Variants in HCN1 observed in about 807,000 individuals in gnomAD.
HCN1 encodes hyperpolarization activated cyclic nucleotide gated potassium channel 1, also known as potassium/sodium hyperpolarization-activated cyclic nucleotide-gated channel 1.
Under a neutral mutation model 78.9 loss-of-function variants are expected in HCN1, and 13 were observed. The observed-to-expected ratio is 0.16, with a 90% CI of 0.11 to 0.26. The LOEUF is 0.26. HCN1 is among the 10% of genes least tolerant of loss of function. HCN1 has a pLI of 1.00. For missense variants in HCN1, 810 were observed against 1,154.3 expected (o/e 0.70, Z 4.32); for synonymous variants, 552 against 455.5 (o/e 1.21, Z -2.70).
In HCN1 at chr5:45,606,283, GGT is replaced by G. The variant is rs1404421600; in HGVS notation, c.849+38900_849+38901del. Among the ~76,000 whole-genome samples the G allele has an allele frequency of 9.2e-5, 14 of 151,796 alleles. 1 individual carries two copies. The highest frequency in any genetic ancestry group is 3.4e-4 in the African/African-American group (14 of 41,366). On this transcript the variant is annotated intron_variant, in intron 2 of 7. Coordinates refer to ENST00000303230, the MANE Select transcript of HCN1 (RefSeq NM_021072.4). ...GTGAGTGTATACAGAAACTCCACCT[GGT>G]ACAGAACAGATTGTGTGTGGGGTAG...
At chr5:45,407,194 A>G (rs185426480) in intron 3 of HCN1, among the ~76,000 whole-genome samples, 1 of 152,268 alleles carries the variant, frequency 6.6e-6, no homozygotes, top group African/African-American at 2.4e-5. Flanking sequence ...CAGTGGTTCT[A>G]TAAGAAGATG....
At chr5:45,493,648 G>A (rs1741947450) in intron 2 of HCN1, among the ~76,000 whole-genome samples, 1 of 150,526 alleles carries the variant, frequency 6.6e-6, no homozygotes, top group Non-Finnish European at 1.5e-5. Context: ...TGTGCACAAT[G>A]TGCAGGTTAG....
intron 2 of HCN1, among the ~76,000 whole-genome samples, chr5:45,504,580 A>G (rs921002072): frequency 1.4e-4 from 21 of 152,292 alleles, no homozygotes; most frequent in Admixed American, 6.5e-5. Flanking sequence ...GTGTCTTTAT[A>G]GCAGCATGAT....
At chr5:45,474,157 C>A (rs1275093830) in intron 2 of HCN1, among the ~76,000 whole-genome samples, 1 of 151,854 alleles carries the variant, frequency 6.6e-6, no homozygotes, top group Non-Finnish European at 1.5e-5. Flanking sequence ...TCAAGGCACT[C>A]CATAACCTTG....
intron 2 of HCN1, among the ~76,000 whole-genome samples, chr5:45,635,910 A>G (rs1295423474): frequency 2.0e-5 from 3 of 152,322 alleles, no homozygotes; most frequent in Non-Finnish European, 4.4e-5. Context: ...TTTGAAATAA[A>G]GCAGGCATAA....
intron 1 of HCN1, among the ~76,000 whole-genome samples, chr5:45,690,210 C>G (rs1268319064): frequency 6.6e-6 from 1 of 151,850 alleles, no homozygotes; most frequent in Admixed American, 6.6e-5. Flanking sequence ...AGCTAGTGAC[C>G]TGAAAATAAA....
intron 3 of HCN1, among the ~76,000 whole-genome samples, chr5:45,402,123 A>T (rs1739825853): frequency 6.6e-6 from 1 of 152,118 alleles, no homozygotes; most frequent in Admixed American, 6.6e-5. Context: ...GTAGAGAAGA[A>T]ACAGGAGGGA....
intron 2 of HCN1, among the ~76,000 whole-genome samples, chr5:45,577,816 A>G (rs994962774): frequency 6.0e-5 from 9 of 151,154 alleles, no homozygotes; most frequent in Non-Finnish European, 8.9e-5. Flanking sequence ...GAAGCAATGC[A>G]TCTGTTCTTT....
At chr5:45,397,091 G>A (rs1360064835) in intron 3 of HCN1, among the ~76,000 whole-genome samples, 4 of 152,156 alleles carry the variant, frequency 2.6e-5, no homozygotes, top group Admixed American at 6.6e-5. Flanking sequence ...GCAGCAGACA[G>A]TATGACACAT....
In HCN1 at chr5:45,303,662, C is replaced by T; in HGVS notation, c.1555G>A (p.Val519Ile). ...CTGGATTTTGTAATGACACCAGCAACACCGTGTTGAATGAAATACATTTTT... is the reference window on the plus strand; with the variant it reads ...CTGGATTTTGTAATGACACCAGCAATACCGTGTTGAATGAAATACATTTTT... ...GKKMYFIQHG[V>I]AGVITKSSKE... is the part of the protein sequence containing the mutation. The change falls in exon 6 of 8, where the codon GTT becomes ATT. Residue 519 changes from valine (V) to isoleucine (I), a missense_variant. By Grantham distance (29) the Val-to-Ile change is conservative. Around this residue, in one of 6 missense-constraint regions of HCN1, gnomAD observed 100 missense variants for 126.8 expected, o/e 0.79. Coordinates refer to ENST00000303230, the MANE Select transcript of HCN1 (RefSeq NM_021072.4). 1.2e-6 allele frequency: 2 copies of T among 1,613,364 alleles called. No homozygotes were observed. The highest frequency in any genetic ancestry group is 1.7e-6 in the Non-Finnish European group (2 of 1,179,528).
intron 5 of HCN1, among the ~76,000 whole-genome samples, chr5:45,346,057 AAAG>A (rs553721201): frequency 7.9e-4 from 121 of 152,230 alleles, no homozygotes; most frequent in Admixed American, 2.2e-3. Flanking sequence ...TTGGTGGCAG[AAAG>A]AAGAAGTATC....
At chr5:45,493,533 A>G (rs1561174915) in intron 2 of HCN1, among the ~76,000 whole-genome samples, 1 of 151,360 alleles carries the variant, frequency 6.6e-6, no homozygotes, top group African/African-American at 2.4e-5. Flanking sequence ...CTATGTTTCT[A>G]CTTTTATTAG....
At chr5:45,346,680 T>A (rs1048872401) in intron 5 of HCN1, among the ~76,000 whole-genome samples, 1 of 152,158 alleles carries the variant, frequency 6.6e-6, no homozygotes, top group African/African-American at 2.4e-5. Context: ...GCTTTTCTGA[T>A]GGGCTTAAAA....
chr5:45,497,442 T>A (rs1742065050), intron 2 of HCN1, among the ~76,000 whole-genome samples: 1 of 152,244 alleles, frequency 6.6e-6, no homozygotes, highest in African/African-American at 2.4e-5. Context: ...AATTGATCCC[T>A]TTACCATTAT....
intron 1 of HCN1, among the ~76,000 whole-genome samples, chr5:45,653,404 CAAT>C (rs1580021165): frequency 6.6e-6 from 1 of 152,062 alleles, no homozygotes; most frequent in East Asian, 1.9e-4. Context: ...ATGATGTCAA[CAAT>C]AATTTGATAA....
chr5:45,379,672 T>G (rs1452854569), intron 4 of HCN1, among the ~76,000 whole-genome samples: 2 of 152,100 alleles, frequency 1.3e-5, no homozygotes, highest in Admixed American at 6.6e-5. Flanking sequence ...CTGTATAAGA[T>G]CTATGAGGAA....
In HCN1 at chr5:45,310,477, A is replaced by C. The variant is rs556027765; in HGVS notation, c.1378-6638T>G. Among the ~76,000 whole-genome samples the C allele has an allele frequency of 5.3e-5, 8 of 152,268 alleles. 1 individual carries two copies. The Middle Eastern group carries it at 0.027, about 518-fold the overall frequency. On this transcript the variant is annotated intron_variant, in intron 5 of 7. Transcript: ENST00000303230. ...AAACCACAATGATATACCATCTCAC[A>C]TCAGTCACAATGGTTATTATTAAAA... is the stretch of plus-strand genomic sequence containing the variant.
intron 2 of HCN1, among the ~76,000 whole-genome samples, chr5:45,537,387 T>A (rs530550310): frequency 8.6e-6 from 1 of 115,880 alleles, no homozygotes; most frequent in Non-Finnish European, 1.9e-5. Context: ...CACAGCTGAT[T>A]ATGCATTTTT....
chr5:45,542,288 T>C (rs2111830888), intron 2 of HCN1, among the ~76,000 whole-genome samples: 1 of 152,280 alleles, frequency 6.6e-6, no homozygotes. Context: ...ATAGTATTCA[T>C]AATGCTCCAA....
Sources: gnomAD v4.1 joint callset for allele counts (sites outside exome capture counted in the v4.1 genomes callset) on GRCh38, gnomAD v4.1.1 for gene constraint, gnomAD v4.1.1 regional missense constraint, MANE v1.5 for transcripts, NCBI Gene and HGNC (gene_info 2026-07-23, HGNC 2026-07-21) for gene names.